The following MAN2A1 variants were observed in gnomAD, a reference collection of about 807,000 sequenced individuals.
MAN2A1 encodes mannosidase alpha class 2A member 1, also known as alpha-mannosidase 2.
A neutral mutation model predicts 142.6 loss-of-function variants in MAN2A1; 76 were observed. The observed-to-expected ratio is 0.53, with a 90% CI of 0.44 to 0.65. MAN2A1 has a LOEUF of 0.65. MAN2A1 is among the 30% of genes least tolerant of loss of function. The pLI is 0.00. For missense variants in MAN2A1, 1,311 were observed against 1,365.1 expected (o/e 0.96, Z 0.62); for synonymous variants, 559 against 473.2 (o/e 1.18, Z -2.35).
At chr5:109,804,375 G>GA (rs1754109924) in intron 12 of MAN2A1, 1 of 656,140 alleles carries the variant, frequency 1.5e-6, no homozygotes, top group Non-Finnish European at 1.9e-6. Flanking sequence ...TTTTAGGCAA[G>GA]ACAATTGTAT....
intron 12 of MAN2A1, among the ~76,000 whole-genome samples, chr5:109,813,550 G>A (rs1185324764): frequency 6.6e-6 from 1 of 152,196 alleles, no homozygotes; most frequent in Non-Finnish European, 1.5e-5. Flanking sequence ...CAGGTCTGAG[G>A]ACCAGCCCAG....
chr5:109,843,734 A>T (rs1413501898), intron 17 of MAN2A1, among the ~76,000 whole-genome samples: 5 of 152,242 alleles, frequency 3.3e-5, no homozygotes, highest in African/African-American at 1.2e-4. Flanking sequence ...ATACAATCTT[A>T]TCAGGTTGTC....
chr5:109,798,343 C>T (rs1226681120), intron 12 of MAN2A1, among the ~76,000 whole-genome samples: 2 of 152,178 alleles, frequency 1.3e-5, no homozygotes, highest in Non-Finnish European at 2.9e-5. Flanking sequence ...GTACTGTTAA[C>T]TCCTCAAACA....
intron 5 of MAN2A1, 144 bp from the exon 6 acceptor site, chr5:109,767,391 A>G (rs1753020805): frequency 1.8e-6 from 1 of 569,460 alleles, no homozygotes; most frequent in Non-Finnish European, 3.0e-6. Context: ...TGCTGGGAAT[A>G]CTTGGCAGAG....
intron 1 of MAN2A1, among the ~76,000 whole-genome samples, chr5:109,695,327 G>C (rs528064614): frequency 5.9e-5 from 9 of 152,258 alleles, no homozygotes; most frequent in African/African-American, 1.9e-4. Context: ...ATTATTGGAA[G>C]GGGATTTTCT....
chr5:109,853,127 T>C (rs558713356), intron 19 of MAN2A1, among the ~76,000 whole-genome samples: 1 of 152,360 alleles, frequency 6.6e-6, no homozygotes, highest in South Asian at 2.1e-4. Flanking sequence ...CAAAATGTCT[T>C]TGAAACTGAA....
intron 6 of MAN2A1, among the ~76,000 whole-genome samples, chr5:109,769,268 T>C (rs903212421): frequency 6.6e-6 from 1 of 152,180 alleles, no homozygotes; most frequent in African/African-American, 2.4e-5. Context: ...ATTTGGAAAA[T>C]AACAGTTAAC....
At chr5:109,752,554 G>C (rs1752575851) in intron 4 of MAN2A1, among the ~76,000 whole-genome samples, 1 of 151,418 alleles carries the variant, frequency 6.6e-6, no homozygotes, top group South Asian at 2.1e-4. Flanking sequence ...AATGAACAAG[G>C]TAATTTTGGT....
chr5:109,833,711 G>T (rs1189124379), intron 16 of MAN2A1, among the ~76,000 whole-genome samples: 3 of 149,182 alleles, frequency 2.0e-5, no homozygotes, highest in Non-Finnish European at 4.5e-5. Flanking sequence ...GGGGGAGGGG[G>T]AGAGGGATTG....
Position 109,690,694 on chromosome 5 carries a change from G to C in MAN2A1, c.135+142G>C, listed in dbSNP as rs544212654. 15 of 940,724 alleles carry C rather than the reference G, an allele frequency of 1.6e-5. No homozygotes were observed. The African/African-American group carries it at 2.0e-4, about 12-fold the overall frequency. 58.3% of individuals were successfully genotyped at this position (940,724 alleles called of 1,614,324 possible). On this transcript the variant is annotated intron_variant, in intron 1 of 21. Coordinates refer to ENST00000261483, the MANE Select transcript of MAN2A1 (RefSeq NM_002372.4). Reference sequence around the variant, plus strand: ...GCCAGGGGCTCTGTAGCTCTCGGACGGCAATGATCACCTCCTGGGAGCCAC... The same window carrying C: ...GCCAGGGGCTCTGTAGCTCTCGGACCGCAATGATCACCTCCTGGGAGCCAC...
intron 16 of MAN2A1, among the ~76,000 whole-genome samples, chr5:109,834,608 A>G (rs1755013347): frequency 6.6e-6 from 1 of 152,210 alleles, no homozygotes; most frequent in African/African-American, 2.4e-5. Flanking sequence ...CATGAGAATT[A>G]TTGAAATGAA....
Position 109,791,548 on chromosome 5 carries a change from G to A in MAN2A1, c.1943+2021G>A, listed in dbSNP as rs561007470. Reference sequence around the variant, plus strand: ...CATGAGTCTTCTTTAATGTTGTAAGGGTTGGCTTTTTTTTTAGTTATAAAC... The same window carrying A: ...CATGAGTCTTCTTTAATGTTGTAAGAGTTGGCTTTTTTTTTAGTTATAAAC... On this transcript the variant is annotated intron_variant, in intron 12 of 21. Transcript: ENST00000261483. Among the ~76,000 whole-genome samples, 3 of 151,846 alleles carry A rather than the reference G, an allele frequency of 2.0e-5. No individual in the cohort carries two copies. The South Asian group carries it at 6.2e-4, about 32-fold the overall frequency.
Position 109,839,032 on chromosome 5 carries a change from G to A in MAN2A1, c.2567-3296G>A, listed in dbSNP as rs377384733. ...GGCTTTATTTCATTTCATGTATTCT[G>A]TTGATCTTTGAGACAATATCTAATC... On this transcript the variant is annotated intron_variant, in intron 16 of 21. Transcript: ENST00000261483. 2.0e-5 allele frequency among the ~76,000 whole-genome samples: 3 copies of A among 152,024 alleles called. No homozygotes were observed. In the East Asian group the frequency reaches 5.8e-4, roughly 29 times the overall value.
rs1290252044 is a variant in MAN2A1, at chr5:109,716,195, T to G, written c.466T>G (p.Tyr156Asp). The G allele has an allele frequency of 3.7e-6, 6 of 1,611,870 alleles. No homozygotes were observed. The highest frequency in any genetic ancestry group is 5.1e-6 in the Non-Finnish European group (6 of 1,178,402). Residue 156 changes from tyrosine (Y) to aspartate (D), a missense_variant, in exon 3 of 22, where the codon TAT (tyrosine) becomes GAT (aspartate). Around this residue, in one of 3 missense-constraint regions of MAN2A1, gnomAD observed 409 missense variants for 412.7 expected, o/e 0.99. Coordinates refer to ENST00000261483, the MANE Select transcript of MAN2A1 (RefSeq NM_002372.4). ...GVWKQGFDIT[Y>D]ESNEWDTEPL... ...TTGGAAGCAAGGATTTGACATTACTTATGAATCTAATGAATGGGACACTGA... is the reference window on the plus strand; with the variant it reads ...TTGGAAGCAAGGATTTGACATTACTGATGAATCTAATGAATGGGACACTGA...
At chr5:109,820,530 T>C (rs1399434249) in intron 15 of MAN2A1, among the ~76,000 whole-genome samples, 188 bp downstream of exon 15, 2 of 152,194 alleles carry the variant, frequency 1.3e-5, no homozygotes, top group Admixed American at 6.5e-5. Flanking sequence ...GATAAATGGT[T>C]GGGCGCAGTG....
intron 12 of MAN2A1, among the ~76,000 whole-genome samples, chr5:109,811,277 G>A (rs969888437): frequency 1.3e-5 from 2 of 151,850 alleles, no homozygotes; most frequent in African/African-American, 4.8e-5. Context: ...GTATATTATA[G>A]AATTGTTTTG....
intron 12 of MAN2A1, among the ~76,000 whole-genome samples, chr5:109,807,491 G>A (rs1046966135): frequency 6.6e-6 from 1 of 152,198 alleles, no homozygotes; most frequent in African/African-American, 2.4e-5. Context: ...CCTTCTGGCG[G>A]CTCTGAGGGG....
intron 5 of MAN2A1, among the ~76,000 whole-genome samples, chr5:109,764,089 CCGTGTCCGGCCTATTA>C: frequency 6.6e-6 from 1 of 152,260 alleles, no homozygotes; most frequent in South Asian, 2.1e-4. Context: ...GCATGAGCCA[CCGTGTCCGGCCTATTA>C]TAACTTTTTT....
At chr5:109,736,271 G>A (rs1313425768) in intron 4 of MAN2A1, among the ~76,000 whole-genome samples, 1 of 152,144 alleles carries the variant, frequency 6.6e-6, no homozygotes, top group Non-Finnish European at 1.5e-5. Flanking sequence ...AGATACACTA[G>A]TTTGCAACCT....
Sources: allele counts gnomAD v4.1 joint callset (sites outside exome capture counted in the v4.1 genomes callset), GRCh38; gene constraint gnomAD v4.1.1; regional missense constraint gnomAD v4.1.1; transcripts MANE v1.5; gene names NCBI Gene and HGNC (gene_info 2026-07-23, HGNC 2026-07-21).